PPM1E: variants seen among roughly 807,000 people sequenced by gnomAD.
The protein encoded by PPM1E is protein phosphatase 1E.
In PPM1E, 20 loss-of-function variants were observed where a neutral mutation model predicts 65.9. The ratio of observed to expected loss-of-function variants is 0.30; its 90% CI spans 0.21 to 0.44. The LOEUF is 0.44. PPM1E is among the 20% of genes least tolerant of loss of function. The probability of loss-of-function intolerance (pLI) is 1.00; values close to 1 mark genes in which losing one functional copy is unlikely to be tolerated. For missense variants in PPM1E, 713 were observed against 953.1 expected, an observed-to-expected ratio of 0.75 and a Z score of 3.32; for synonymous variants, 352 against 374.9, an observed-to-expected ratio of 0.94 and a Z score of 0.70.
intron 1 of PPM1E, among the ~76,000 whole-genome samples, chr17:58,858,925 A>G (rs1375615954): frequency 6.6e-6 from 1 of 152,238 alleles, no homozygotes; most frequent in Non-Finnish European, 1.5e-5. Context: ...AGATTGGCTG[A>G]AAAGCCATTA....
chr17:58,782,076 A>C (rs527793161), intron 1 of PPM1E, among the ~76,000 whole-genome samples: 2 of 152,120 alleles, frequency 1.3e-5, no homozygotes, highest in Admixed American at 6.6e-5. Context: ...ATTTATAGCC[A>C]ATGAGGAAGA....
At chr17:58,832,810 T>TTTTG (rs3059831) in intron 1 of PPM1E, among the ~76,000 whole-genome samples, 6 of 150,668 alleles carry the variant, frequency 4.0e-5, no homozygotes, top group Non-Finnish European at 7.4e-5. Flanking sequence ...TTCACCAGGT[T>TTTTG]TTTGTTTGTT....
chr17:58,910,398 A>G (rs1217482576), intron 1 of PPM1E, among the ~76,000 whole-genome samples: 1 of 151,904 alleles, frequency 6.6e-6, no homozygotes, highest in Non-Finnish European at 1.5e-5. Flanking sequence ...CTCTTTTTGC[A>G]TGTTGTCTAC....
At chr17:58,951,480 A>G (rs1219640083) in intron 1 of PPM1E, 3 of 152,144 alleles carry the variant, frequency 2.0e-5, no homozygotes, top group Non-Finnish European at 4.4e-5. Flanking sequence ...GGAGTTCGAG[A>G]CCAGTCTGGG....
At chr17:58,777,221 G>C (rs887599343) in intron 1 of PPM1E, among the ~76,000 whole-genome samples, 2 of 152,022 alleles carry the variant, frequency 1.3e-5, no homozygotes, top group Admixed American at 6.6e-5. Flanking sequence ...GTGAGACCTT[G>C]TCCCCCCACC....
At chr17:58,822,771 A>G (rs1367613718) in intron 1 of PPM1E, among the ~76,000 whole-genome samples, 3 of 152,178 alleles carry the variant, frequency 2.0e-5, no homozygotes, top group East Asian at 3.8e-4. Flanking sequence ...TCTAATTACA[A>G]CAAGCATAGG....
intron 1 of PPM1E, among the ~76,000 whole-genome samples, chr17:58,910,403 G>A (rs2051613533): frequency 6.6e-6 from 1 of 151,778 alleles, no homozygotes; most frequent in Non-Finnish European, 1.5e-5. Context: ...TTTGCATGTT[G>A]TCTACGTTAT....
intron 1 of PPM1E, among the ~76,000 whole-genome samples, chr17:58,876,256 T>G (rs1306452957): frequency 1.3e-5 from 2 of 152,178 alleles, no homozygotes; most frequent in Non-Finnish European, 2.9e-5. Context: ...GTGAGCTTGA[T>G]TAATTTTTAA....
At chr17:58,827,599 A>C (rs1159380029) in intron 1 of PPM1E, among the ~76,000 whole-genome samples, 1 of 152,024 alleles carries the variant, frequency 6.6e-6, no homozygotes, top group Admixed American at 6.6e-5. Flanking sequence ...AGAACCTATA[A>C]ATTTAAAAAA....
At chr17:58,855,842 A>G (rs980808831) in intron 1 of PPM1E, among the ~76,000 whole-genome samples, 6 of 152,172 alleles carry the variant, frequency 3.9e-5, no homozygotes, top group South Asian at 2.1e-4. Flanking sequence ...TTCTTGCTTG[A>G]TGGACATTAG....
At chr17:58,815,681 AT>A (rs2050408193) in intron 1 of PPM1E, among the ~76,000 whole-genome samples, 1 of 152,166 alleles carries the variant, frequency 6.6e-6, no homozygotes, top group African/African-American at 2.4e-5. Flanking sequence ...ACTAGAGCTG[AT>A]TTTGACATTG....
At chr17:58,901,605 G>T (rs1246094452) in intron 1 of PPM1E, among the ~76,000 whole-genome samples, 2 of 152,064 alleles carry the variant, frequency 1.3e-5, no homozygotes, top group Non-Finnish European at 2.9e-5. Context: ...AACCTGGGAG[G>T]CCGAGGTTGC....
chr17:58,928,684 G>A (rs1481767010), intron 1 of PPM1E, among the ~76,000 whole-genome samples: 9 of 150,928 alleles, frequency 6.0e-5, no homozygotes, highest in African/African-American at 2.4e-5. Context: ...ATATATCTAC[G>A]AAATTACTCA....
In PPM1E at chr17:58,756,093, G is replaced by GCCGGAACCCGAAC; in HGVS notation, c.100_112dup (p.Glu38GlyfsTer19). ...GACCGTGCGGCGGCGGCGAGCCGGAGCCGGAACCCGAACCCGAACCCGAAC... is the reference window on the plus strand; with the variant it reads ...GACCGTGCGGCGGCGGCGAGCCGGAGCCGGAACCCGAACCCGGAACCCGAACCCGAACCCGAAC... On this transcript the variant is annotated frameshift_variant, in exon 1 of 7. Transcript: ENST00000308249. LOFTEE classifies it high-confidence loss of function. 4 of 1,323,038 alleles carry GCCGGAACCCGAAC rather than the reference G, an allele frequency of 3.0e-6. No homozygotes were observed. Among genetic ancestry groups the GCCGGAACCCGAAC allele is most frequent in the East Asian group, 2.4e-5 (1 of 41,416 alleles). The allele number at this position is 1,323,038 out of a possible 1,614,324, so 82.0% of individuals were successfully genotyped here.
chr17:58,763,623 G>C (rs1269882920), intron 1 of PPM1E, among the ~76,000 whole-genome samples: 1 of 152,110 alleles, frequency 6.6e-6, no homozygotes, highest in Non-Finnish European at 1.5e-5. Context: ...GTTTCTAGAA[G>C]TGGAAATGTC....
intron 1 of PPM1E, among the ~76,000 whole-genome samples, chr17:58,897,362 C>T (rs1055384186): frequency 2.0e-5 from 3 of 151,004 alleles, no homozygotes; most frequent in Non-Finnish European, 2.9e-5. Flanking sequence ...TGCAATGAGC[C>T]GAGATTGCGC....
chr17:58,879,275 C>A (rs2051162387), intron 1 of PPM1E, among the ~76,000 whole-genome samples: 1 of 149,146 alleles, frequency 6.7e-6, no homozygotes, highest in Non-Finnish European at 1.5e-5. Context: ...TCTCCACATA[C>A]TATATATAAT....
intron 1 of PPM1E, among the ~76,000 whole-genome samples, chr17:58,825,249 C>T (rs1434557626): frequency 6.7e-6 from 1 of 149,974 alleles, no homozygotes; most frequent in Non-Finnish European, 1.5e-5. Context: ...CACACACACA[C>T]ACACACACAC....
At chr17:58,760,659 C>A (rs1418893504) in intron 1 of PPM1E, among the ~76,000 whole-genome samples, 3 of 152,146 alleles carry the variant, frequency 2.0e-5, no homozygotes, top group Admixed American at 6.6e-5. Context: ...AGGGCACAGT[C>A]TTCTACTCTG....
Sources: gnomAD v4.1 joint callset for allele counts (sites outside exome capture counted in the v4.1 genomes callset) on GRCh38, gnomAD v4.1.1 for gene constraint, MANE v1.5 for transcripts, NCBI Gene and HGNC (gene_info 2026-07-23, HGNC 2026-07-21) for gene names.